The following SOX5 variants were observed in gnomAD, a reference collection of about 807,000 sequenced individuals.
SOX5 encodes the protein transcription factor SOX-5.
A neutral mutation model predicts 92.0 loss-of-function variants in SOX5; 9 were observed. The observed-to-expected ratio is 0.10, with a 90% CI of 0.06 to 0.17. The LOEUF (loss-of-function observed/expected upper bound fraction) is 0.17. SOX5 is among the 10% of genes least tolerant of loss of function. The pLI is 1.00. For synonymous variants in SOX5, 344 were observed against 336.3 expected (o/e 1.02, Z -0.25); for missense variants, 642 against 944.5 (o/e 0.68, Z 4.20).
At chr12:24,104,015 T>C (rs918458267) in intron 4 of SOX5, among the ~76,000 whole-genome samples, 6 of 152,180 alleles carry the variant, frequency 3.9e-5, no homozygotes, top group African/African-American at 1.4e-4. Context: ...GCCAGAAGGG[T>C]ACAGGAAAGT....
At chr12:24,318,328 G>GT (rs1949900173) in intron 2 of SOX5, among the ~76,000 whole-genome samples, 1 of 152,222 alleles carries the variant, frequency 6.6e-6, no homozygotes, top group Non-Finnish European at 1.5e-5. Context: ...TTCTGGGACA[G>GT]TTGGGTAGGA....
At chr12:23,743,560 T>A (rs908550872) in intron 4 of SOX5, among the ~76,000 whole-genome samples, 2 of 152,302 alleles carry the variant, frequency 1.3e-5, no homozygotes, top group Middle Eastern at 6.8e-3. Flanking sequence ...TCCTCCCGCC[T>A]CAGCCTCTCA....
rs1342918874 is a variant in SOX5 at position 24,034,023 on chromosome 12, T to C, written c.-1-137999A>G. Among the ~76,000 whole-genome samples, 4 of 152,084 alleles carry C rather than the reference T, an allele frequency of 2.6e-5. No homozygotes were observed. In the East Asian group the frequency reaches 5.8e-4, roughly 22 times the overall value. ...GTCTATATTTTATAAGTCCAGTCTA[T>C]AATCAAAGACACCAAATTTAGGACT... On this transcript the variant is annotated intron_variant, in intron 4 of 4. Transcript: ENST00000446891.
At chr12:23,802,003 T>C (rs1003376343) in intron 3 of SOX5, among the ~76,000 whole-genome samples, 1 of 152,182 alleles carries the variant, frequency 6.6e-6, no homozygotes, top group Non-Finnish European at 1.5e-5. Context: ...GCTACAATTA[T>C]AGAATAAAAT....
intron 3 of SOX5, among the ~76,000 whole-genome samples, chr12:23,838,523 A>G (rs2096464581): frequency 6.6e-6 from 1 of 152,006 alleles, no homozygotes; most frequent in Non-Finnish European, 1.5e-5. Context: ...TACCTTTCTG[A>G]AACTAACACT....
At chr12:24,206,742 G>T (rs570773369) in intron 4 of SOX5, among the ~76,000 whole-genome samples, 57 of 152,286 alleles carry the variant, frequency 3.7e-4, no homozygotes, top group Middle Eastern at 3.4e-3. Flanking sequence ...TTCAGAAAAT[G>T]ACAACTGAAA....
intron 4 of SOX5, among the ~76,000 whole-genome samples, chr12:24,091,911 T>C (rs1944703837): frequency 6.6e-6 from 1 of 152,120 alleles, no homozygotes; most frequent in Middle Eastern, 3.2e-3. Flanking sequence ...CAGGATACCT[T>C]ACTTGATCTC....
chr12:24,244,835 G>A (rs892440718), intron 3 of SOX5, among the ~76,000 whole-genome samples: 25 of 152,128 alleles, frequency 1.6e-4, no homozygotes, highest in Admixed American at 1.6e-3. Flanking sequence ...GGGATTACAG[G>A]CATGCACCAC....
intron 6 of SOX5, among the ~76,000 whole-genome samples, chr12:23,697,441 T>A (rs146509713): frequency 6.6e-6 from 1 of 152,240 alleles, no homozygotes; most frequent in Non-Finnish European, 1.5e-5. Context: ...TTCTTTATAC[T>A]GAAAGTGGTT....
At chr12:24,443,558 T>C (rs930413898) in intron 1 of SOX5, among the ~76,000 whole-genome samples, 48 of 152,202 alleles carry the variant, frequency 3.2e-4, no homozygotes, top group African/African-American at 1.1e-3. Context: ...GGGGCATGCA[T>C]TGTTGACACA....
chr12:24,254,368 A>C (rs190383666), intron 3 of SOX5, among the ~76,000 whole-genome samples: 1 of 151,220 alleles, frequency 6.6e-6, no homozygotes, highest in East Asian at 1.9e-4. Context: ...TGTCCTCACA[A>C]ACCCATTGTA....
chr12:24,311,488 G>A (rs1352588417), intron 2 of SOX5, among the ~76,000 whole-genome samples: 1 of 152,010 alleles, frequency 6.6e-6, no homozygotes, highest in African/African-American at 2.4e-5. Flanking sequence ...AACTAATTTT[G>A]GGGATTGTGG....
chr12:23,993,028 C>A (rs549626153), intron 4 of SOX5, among the ~76,000 whole-genome samples: 1 of 152,308 alleles, frequency 6.6e-6, no homozygotes, highest in East Asian at 1.9e-4. Context: ...TGACAATTAA[C>A]TCTACTCAGA....
At chr12:23,965,001 G>C (rs914593826) in intron 4 of SOX5, among the ~76,000 whole-genome samples, 3 of 151,916 alleles carry the variant, frequency 2.0e-5, no homozygotes, top group Admixed American at 1.3e-4. Flanking sequence ...GCACAGGGGC[G>C]CGTGGTCAGC....
intron 1 of SOX5, among the ~76,000 whole-genome samples, chr12:24,553,382 T>A (rs1309185859): frequency 1.3e-5 from 2 of 152,180 alleles, no homozygotes; most frequent in East Asian, 3.9e-4. Flanking sequence ...ATGTATGGCA[T>A]CTAGCACCCC....
intron 4 of SOX5, among the ~76,000 whole-genome samples, chr12:24,196,877 TG>T (rs1168887881): frequency 6.6e-6 from 1 of 152,158 alleles, no homozygotes; most frequent in African/African-American, 2.4e-5. Context: ...CACTCCAGCC[TG>T]GGTAACAGAG....
intron 7 of SOX5, among the ~76,000 whole-genome samples, chr12:23,644,302 C>G (rs1455741948): frequency 2.0e-5 from 3 of 152,208 alleles, no homozygotes; most frequent in Non-Finnish European, 4.4e-5. Context: ...CCAGGCCAAG[C>G]CTAGAGATGA....
chr12:23,741,739 C>G (rs1330992761), intron 4 of SOX5, among the ~76,000 whole-genome samples: 1 of 152,092 alleles, frequency 6.6e-6, no homozygotes, highest in Non-Finnish European at 1.5e-5. Flanking sequence ...TTTGAGAACA[C>G]AAATATAGCA....
intron 4 of SOX5, among the ~76,000 whole-genome samples, chr12:24,189,410 C>G (rs1324451193): frequency 6.6e-6 from 1 of 152,102 alleles, no homozygotes; most frequent in Admixed American, 6.6e-5. Flanking sequence ...CATGGTTTTC[C>G]TGGGGTACTG....
Sources: gnomAD v4.1 joint callset for allele counts (sites outside exome capture counted in the v4.1 genomes callset) on GRCh38, gnomAD v4.1.1 for gene constraint, MANE v1.5 for transcripts, NCBI Gene and HGNC (gene_info 2026-07-23, HGNC 2026-07-21) for gene names.